The following ARRDC5 variants were observed in gnomAD, a reference collection of about 807,000 sequenced individuals.
ARRDC5 encodes arrestin domain containing 5.
In ARRDC5, 12 loss-of-function variants were observed where a neutral mutation model predicts 13.3. The observed-to-expected ratio is 0.90, with a 90% CI of 0.58 to 1.46. The LOEUF is 1.46. ARRDC5 is among the 40% of genes most tolerant of loss of function. The pLI, the probability that ARRDC5 is intolerant of heterozygous loss-of-function variation, is 0.00. For missense variants in ARRDC5, 406 were observed against 418.7 expected (o/e 0.97, Z 0.26); for synonymous variants, 181 against 173.4 (o/e 1.04, Z -0.34).
the ARRDC5 span, among the ~76,000 whole-genome samples, chr19:4,915,028 C>T: frequency 6.6e-6 from 1 of 152,234 alleles, no homozygotes; most frequent in Admixed American, 6.5e-5. Flanking sequence ...TGGCCTCCAC[C>T]CACTCCATGC....
the ARRDC5 span, among the ~76,000 whole-genome samples, chr19:4,908,973 G>C: frequency 6.6e-6 from 1 of 152,274 alleles, no homozygotes; most frequent in South Asian, 2.1e-4. Context: ...GGAAAACGAG[G>C]CGGGAAAAGA....
the ARRDC5 span, chr19:4,911,070 C>A: frequency 6.6e-7 from 1 of 1,513,100 alleles, no homozygotes. Context: ...TTGTTCTATG[C>A]CTGGTCCAGG....
the ARRDC5 span, chr19:4,909,068 A>C: frequency 6.1e-6 from 1 of 163,714 alleles, no homozygotes; most frequent in African/African-American, 2.4e-5. Flanking sequence ...CGATCGGGCG[A>C]GCCATCAGGG....
In ARRDC5 at chr19:4,891,476, G is replaced by A. The variant is rs765879975; in HGVS notation, c.557C>T (p.Thr186Met). ...TGTGAAGACGACCTTCTCTCCTGGC[G>A]TGAAGGTGTTCCTTTCCATCTGGAT... The part of the protein sequence containing the change: ...LQIQMERNTF[T>M]PGEKVVFTTE... The change falls in exon 3 of 3, where the codon ACG (threonine) becomes ATG (methionine). Residue 186 changes from threonine to methionine, a missense_variant. Thr to Met is a moderately conservative substitution (Grantham distance 81). Coordinates refer to ENST00000650722, the MANE Select transcript of ARRDC5 (RefSeq NM_001080523.3). 40 of 1,613,672 alleles carry A rather than the reference G, an allele frequency of 2.5e-5. No individual in the cohort carries two copies. In the South Asian group the frequency reaches 3.4e-4, roughly 14 times the overall value.
At chr19:4,910,827 C>T in the ARRDC5 span, 1 of 1,555,784 alleles carries the variant, frequency 6.4e-7, no homozygotes, top group South Asian at 1.2e-5. Context: ...TGGCATGGCT[C>T]AGAGGTGCTG....
intron 1 of ARRDC5, among the ~76,000 whole-genome samples, chr19:4,899,347 G>C (rs988933524): frequency 6.6e-6 from 1 of 151,554 alleles, no homozygotes; most frequent in Non-Finnish European, 1.5e-5. Flanking sequence ...TGAAAAACCT[G>C]GGATGGGCAT....
At chr19:4,906,471 C>T (rs1008720688), upstream of ARRDC5, among the ~76,000 whole-genome samples, 3 of 152,044 alleles carry the variant, frequency 2.0e-5, no homozygotes, top group African/African-American at 7.2e-5. Context: ...AATGCATGCC[C>T]AGCCAATCAC....
At chr19:4,906,449 G>A (rs1201608799), upstream of ARRDC5, among the ~76,000 whole-genome samples, 2 of 152,106 alleles carry the variant, frequency 1.3e-5, no homozygotes, top group Admixed American at 6.6e-5. Context: ...CCCTCACCAC[G>A]TGTACATGAA....
At chr19:4,914,440 G>A in the ARRDC5 span, among the ~76,000 whole-genome samples, 1 of 152,090 alleles carries the variant, frequency 6.6e-6, no homozygotes, top group African/African-American at 2.4e-5. Flanking sequence ...AGCAGCCCAA[G>A]GTCTGCAGTG....
chr19:4,912,631 G>A, the ARRDC5 span, among the ~76,000 whole-genome samples: 1 of 152,090 alleles, frequency 6.6e-6, no homozygotes, highest in East Asian at 1.9e-4. Flanking sequence ...CTCTCTGCCC[G>A]CCAATCCATC....
intron 2 of ARRDC5, among the ~76,000 whole-genome samples, chr19:4,893,959 A>C (rs1237348548): frequency 6.7e-6 from 1 of 149,916 alleles, no homozygotes; most frequent in Non-Finnish European, 1.5e-5. Flanking sequence ...GAGGCAGGAG[A>C]ATGGCGTGAA....
intron 2 of ARRDC5, among the ~76,000 whole-genome samples, chr19:4,892,332 G>A (rs112122502): frequency 0.24 from 35,728 of 150,836 alleles, 4,955 homozygotes; most frequent in East Asian, 0.55. Flanking sequence ...CTTGTGATCC[G>A]CCTGCCTCGG....
rs1568396480 is a variant in ARRDC5, at chr19:4,896,784, CA to C, written c.345del (p.His115GlnfsTer17). 2 of 1,613,840 alleles carry C rather than the reference CA, an allele frequency of 1.2e-6. No homozygotes were observed. Among genetic ancestry groups the C allele is most frequent in the South Asian group, 1.1e-5 (1 of 91,084 alleles). ...LPSTFTSKFG[H>X]VFYFVQASCM... ...CAGGAAGCTTGTACGAAATAGAAGA[CA>C]TGGCCAAATTTGCTGGTGAAGGTAG... On this transcript the variant is annotated frameshift_variant, in exon 2 of 3. Coordinates refer to ENST00000650722, the MANE Select transcript of ARRDC5 (RefSeq NM_001080523.3). LOFTEE classifies it high-confidence loss of function.
At chr19:4,914,562 G>A in the ARRDC5 span, among the ~76,000 whole-genome samples, 1 of 152,080 alleles carries the variant, frequency 6.6e-6, no homozygotes, top group African/African-American at 2.4e-5. Context: ...CACTTGATGG[G>A]CGGGAACGCA....
chr19:4,895,478 C>A (rs73530766), intron 2 of ARRDC5, among the ~76,000 whole-genome samples: 1,655 of 151,438 alleles, frequency 0.011, 23 homozygotes, highest in African/African-American at 0.038. Context: ...AAAATGCCAG[C>A]CCTCTGACAT....
chr19:4,914,001 G>A, the ARRDC5 span, among the ~76,000 whole-genome samples: 1 of 151,904 alleles, frequency 6.6e-6, no homozygotes, highest in African/African-American at 2.4e-5. Context: ...TTTTAGTAGA[G>A]ATGGGGTTTC....
the ARRDC5 span, chr19:4,909,436 G>GC: frequency 1.5e-6 from 1 of 651,414 alleles, no homozygotes; most frequent in Non-Finnish European, 2.8e-6. Context: ...GCAGGCGCCC[G>GC]CCCCCGGCAC....
chr19:4,902,808 C>T lies in ARRDC5; in HGVS notation c.18G>A (p.Ser6=), dbSNP rs367665486. The T allele has an allele frequency of 5.9e-5, 95 of 1,613,912 alleles. No individual in the cohort carries two copies. In the African/African-American group the frequency reaches 1.0e-3, roughly 17 times the overall value. Reference sequence around the variant, plus strand: ...TATCCTCGGGCAGCACTAATTCGATCGACTTCACCACAGACATGGGGGGTT... The same window carrying T: ...TATCCTCGGGCAGCACTAATTCGATTGACTTCACCACAGACATGGGGGGTT... MSVVK[S]IELVLPEDRI... The change falls in exon 1 of 3, where the codon TCG becomes TCA. Residue 6 remains serine (S), a synonymous_variant. Coordinates refer to ENST00000650722, the MANE Select transcript of ARRDC5 (RefSeq NM_001080523.3).
chr19:4,900,124 CTT>C (rs551201408), intron 1 of ARRDC5, among the ~76,000 whole-genome samples: 3 of 136,446 alleles, frequency 2.2e-5, no homozygotes, highest in African/African-American at 8.1e-5. Flanking sequence ...GGCCAGCAGT[CTT>C]TTTTTTCTGT....
Sources: gnomAD v4.1 joint callset for allele counts (sites outside exome capture counted in the v4.1 genomes callset) on GRCh38, gnomAD v4.1.1 for gene constraint, MANE v1.5 for transcripts, NCBI Gene and HGNC (gene_info 2026-07-23, HGNC 2026-07-21) for gene names.